The following HCK variants were observed in gnomAD, a reference collection of about 807,000 sequenced individuals.
HCK encodes HCK proto-oncogene, Src family tyrosine kinase, also known as tyrosine-protein kinase HCK.
Under a neutral mutation model 70.4 loss-of-function variants are expected in HCK, and 40 were observed. The ratio of observed to expected loss-of-function variants is 0.57; its 90% CI spans 0.44 to 0.74. The LOEUF is 0.74. Among genes scored for constraint, HCK ranks in the 30% least tolerant of loss-of-function variants. The pLI, the probability that HCK is intolerant of heterozygous loss-of-function variation, is 0.00. For synonymous variants in HCK, 245 were observed against 263.2 expected (o/e 0.93, Z 0.67); for missense variants, 568 against 697.2 (o/e 0.81, Z 2.09).
intron 1 of HCK, among the ~76,000 whole-genome samples, chr20:32,055,654 T>G (rs1446484620): frequency 6.6e-6 from 1 of 152,218 alleles, no homozygotes; most frequent in Admixed American, 6.5e-5. Context: ...TTTAGAAATA[T>G]TTTAATCGAG....
rs745791291 is a variant in HCK at position 32,093,954 on chromosome 20, G to A, written c.1184G>A (p.Cys395Tyr). Residue 395 changes from cysteine (C) to tyrosine (Y), a missense_variant, in exon 11 of 13, where the codon TGT becomes TAT. This residue lies in a region of HCK where 160 missense variants were observed against 237.5 expected (regional missense o/e 0.67). Coordinates refer to ENST00000375852, the MANE Select transcript of HCK (RefSeq NM_002110.5). ...ATCTTGGTCTCTGCATCCCTGGTGT[G>A]TAAGATTGCTGACTTTGGCCTGGCC... 1 of 1,613,896 alleles carries A rather than the reference G, an allele frequency of 6.2e-7. No individual in the cohort carries two copies. The highest frequency in any genetic ancestry group is 8.5e-7 in the Non-Finnish European group (1 of 1,179,992).
In HCK at chr20:32,071,773, C is replaced by T. The variant is rs1287523241; in HGVS notation, c.174C>T (p.Thr58=). The T allele has an allele frequency of 1.2e-6, 2 of 1,613,838 alleles. No homozygotes were observed. The highest frequency in any genetic ancestry group is 2.2e-5 in the South Asian group (2 of 91,050). Residue 58 remains threonine (T), a synonymous_variant, in exon 2 of 13, where the codon ACC becomes ACT. Transcript: ENST00000375852. ...TGTACGTGCCGGATCCCACATCCACCATCAAGCCGGTGAGTAGGGGAGGTC... is the reference window on the plus strand; with the variant it reads ...TGTACGTGCCGGATCCCACATCCACTATCAAGCCGGTGAGTAGGGGAGGTC...
At chr20:32,075,393 G>T (rs578174332) in intron 5 of HCK, among the ~76,000 whole-genome samples, 2 of 152,008 alleles carry the variant, frequency 1.3e-5, no homozygotes, top group African/African-American at 2.4e-5. Context: ...GGTAGAGAGG[G>T]GGTCTCTCTG....
At chr20:32,073,426 C>A in intron 3 of HCK, 65 bp downstream of exon 3, 1 of 1,400,340 alleles carries the variant, frequency 7.1e-7, no homozygotes, top group South Asian at 1.2e-5. Context: ...TAGGTTCTCC[C>A]TTAGCTTGAG....
intron 11 of HCK, among the ~76,000 whole-genome samples, chr20:32,094,775 AAGAG>A (rs1442475155): frequency 6.8e-5 from 8 of 117,262 alleles, no homozygotes; most frequent in Admixed American, 2.5e-4. Context: ...GAAAGAAAGA[AAGAG>A]AGAGAAAGAG....
At position 32,074,652 on chromosome 20, in the gene HCK, T is replaced by C; in HGVS notation, c.359T>C (p.Leu120Pro). The C allele has an allele frequency of 6.2e-7, 1 of 1,614,016 alleles. No individual in the cohort carries two copies. The highest frequency in any genetic ancestry group is 8.5e-7 in the Non-Finnish European group (1 of 1,179,880). The change falls in exon 5 of 13, where the codon CTG becomes CCG. Residue 120 changes from leucine (L) to proline (P), a missense_variant. Around this residue, in one of 4 missense-constraint regions of HCK, gnomAD observed 318 missense variants for 336.0 expected, o/e 0.95. Transcript: ENST00000375852. ...GGGGAGTGGTGGAAGGCTCGATCCC[T>C]GGCCACCCGGAAGGAGGGCTACATC...
chr20:32,068,084 G>A (rs2045486096), intron 1 of HCK, among the ~76,000 whole-genome samples: 1 of 152,068 alleles, frequency 6.6e-6, no homozygotes, highest in Non-Finnish European at 1.5e-5. Flanking sequence ...ATCACCTGAG[G>A]TTGGGAGTTC....
At position 32,071,955 on chromosome 20, in the gene HCK, T is replaced by A. The variant is rs2045547084; in HGVS notation, c.183+173T>A. 5.4e-6 allele frequency: 4 copies of A among 734,464 alleles called. No individual in the cohort carries two copies. In the Admixed American group the frequency reaches 1.3e-4, roughly 23 times the overall value. 45.5% of individuals were successfully genotyped at this position (734,464 alleles called of 1,614,324 possible). On this transcript the variant is annotated intron_variant, in intron 2 of 12. Coordinates refer to ENST00000375852, the MANE Select transcript of HCK (RefSeq NM_002110.5). ...CTCCGGGACGCAGCGCCAGCCAGCA[T>A]GCATAGGGGCAAAGAAGTCATCTCT...
Position 32,052,379 on chromosome 20 carries a change from G to A in HCK, c.-46G>A, listed in dbSNP as rs1396061959. The A allele has an allele frequency of 1.6e-6, 2 of 1,269,826 alleles. No homozygotes were observed. The highest frequency in any genetic ancestry group is 3.1e-5 in the African/African-American group (2 of 64,428). 78.7% of individuals were successfully genotyped at this position (1,269,826 alleles called of 1,614,324 possible). On this transcript the variant is annotated 5_prime_UTR_variant, in exon 1 of 13. Transcript: ENST00000375852. ...TCGCCCCCGCCTCTAGTTCTAGAAA[G>A]TCAGTTTCCCGGCACTGGCACCCCG...
Position 32,098,990 on chromosome 20 carries a change from G to C in HCK, c.1247-14G>C. 6.2e-7 allele frequency: 1 copy of C among 1,613,918 alleles called. No homozygotes were observed. Among genetic ancestry groups the C allele is most frequent in the Non-Finnish European group, 8.5e-7 (1 of 1,179,874 alleles). ...CCCCAGCCTTCCCCGACTCTGCTCT[G>C]TTCAACCCTGCAGGGGCCAAGTTCC... On this transcript the variant is annotated splice_polypyrimidine_tract_variant and intron_variant, in intron 11 of 12. Coordinates refer to ENST00000375852, the MANE Select transcript of HCK (RefSeq NM_002110.5).
At chr20:32,054,014 G>C (rs1438015595) in intron 1 of HCK, among the ~76,000 whole-genome samples, 1 of 151,806 alleles carries the variant, frequency 6.6e-6, no homozygotes, top group African/African-American at 2.4e-5. Flanking sequence ...TTTTAGGGGA[G>C]GGGGTGACAG....
At position 32,093,874 on chromosome 20, in the gene HCK, C is replaced by T. The variant is rs188820246; in HGVS notation, c.1104C>T (p.Gly368=). ...TGTTTGGGGTGCAGATTGCAGAAGGCATGGCCTTCATCGAGCAGAGGAACT... is the reference window on the plus strand; with the variant it reads ...TGTTTGGGGTGCAGATTGCAGAAGGTATGGCCTTCATCGAGCAGAGGAACT... Residue 368 remains glycine, a synonymous_variant, in exon 11 of 13, where the codon GGC becomes GGT. Transcript: ENST00000375852. The T allele has an allele frequency of 3.7e-5, 60 of 1,612,458 alleles. No individual in the cohort carries two copies. The highest frequency in any genetic ancestry group is 2.0e-4 in the East Asian group (9 of 44,864).
chr20:32,098,753 A>G (rs1170267320), intron 11 of HCK, among the ~76,000 whole-genome samples: 1 of 152,158 alleles, frequency 6.6e-6, no homozygotes, highest in African/African-American at 2.4e-5. Context: ...TATCAGCTGA[A>G]TCAACGAGGA....
chr20:32,086,169 A>G (rs2045782719), intron 8 of HCK, among the ~76,000 whole-genome samples: 1 of 152,052 alleles, frequency 6.6e-6, no homozygotes, highest in South Asian at 2.1e-4. Flanking sequence ...ACAGGCGCCC[A>G]CAACTGCGCC....
intron 5 of HCK, among the ~76,000 whole-genome samples, chr20:32,079,167 T>C (rs1720908519): frequency 6.6e-6 from 1 of 152,204 alleles, no homozygotes; most frequent in African/African-American, 2.4e-5. Flanking sequence ...GAAGAAAATG[T>C]CCCAGGATAT....
chr20:32,086,018 T>TTTTG (rs761682366), intron 8 of HCK, among the ~76,000 whole-genome samples: 19 of 152,204 alleles, frequency 1.2e-4, no homozygotes, highest in African/African-American at 3.1e-4. Flanking sequence ...TGTTTGGGTT[T>TTTTG]TTTGTTTGTT....
At chr20:32,059,662 A>T (rs1373731782) in intron 1 of HCK, among the ~76,000 whole-genome samples, 1 of 151,878 alleles carries the variant, frequency 6.6e-6, no homozygotes, top group Non-Finnish European at 1.5e-5. Context: ...TCACAGGCAC[A>T]TGCCACCACA....
intron 5 of HCK, among the ~76,000 whole-genome samples, chr20:32,079,267 A>T (rs185961479): frequency 3.4e-4 from 52 of 152,322 alleles, no homozygotes; most frequent in African/African-American, 1.2e-3. Flanking sequence ...GCGGAGGAGG[A>T]TTGGTTGTAA....
At chr20:32,058,654 C>A (rs1339475023) in intron 1 of HCK, among the ~76,000 whole-genome samples, 1 of 130,068 alleles carries the variant, frequency 7.7e-6, no homozygotes, top group Non-Finnish European at 1.7e-5. Flanking sequence ...ACACACTAGT[C>A]CATCATGGCG....
Sources: allele counts gnomAD v4.1 joint callset (sites outside exome capture counted in the v4.1 genomes callset), GRCh38; gene constraint gnomAD v4.1.1; regional missense constraint gnomAD v4.1.1; transcripts MANE v1.5; gene names NCBI Gene and HGNC (gene_info 2026-07-23, HGNC 2026-07-21).